ZSWIM3: variants seen among roughly 807,000 people sequenced by gnomAD.
The protein encoded by ZSWIM3 is zinc finger SWIM domain-containing protein 3.
In ZSWIM3, 27 loss-of-function variants were observed where a neutral mutation model predicts 47.5. That is an observed-to-expected ratio of 0.57 (90% CI 0.42 to 0.78). The LOEUF (loss-of-function observed/expected upper bound fraction) is 0.78. Among genes scored for constraint, ZSWIM3 ranks in the 30% least tolerant of loss-of-function variants. The probability of loss-of-function intolerance (pLI) is 0.00; values close to 1 mark genes in which losing one functional copy is unlikely to be tolerated. For synonymous variants in ZSWIM3, 333 were observed against 333.9 expected, an observed-to-expected ratio of 1.00 and a Z score of 0.03; for missense variants, 689 against 861.3, an observed-to-expected ratio of 0.80 and a Z score of 2.50.
At chr20:45,859,957 G>A (rs549952984) in intron 1 of ZSWIM3, among the ~76,000 whole-genome samples, 2 of 152,216 alleles carry the variant, frequency 1.3e-5, no homozygotes, top group South Asian at 4.2e-4. Context: ...TAGGTGCTGC[G>A]GGAACTCAGA....
chr20:45,872,686 G>A, intron 1 of ZSWIM3: 2 of 1,279,142 alleles, frequency 1.6e-6, no homozygotes, highest in Non-Finnish European at 2.0e-6. Context: ...AAAAAACAAG[G>A]TGATGAAAAC....
In ZSWIM3 at chr20:45,877,365, C is replaced by T. The variant is rs534738492; in HGVS notation, c.807C>T (p.Phe269=). 6.2e-7 allele frequency: 1 copy of T among 1,614,176 alleles called. No homozygotes were observed. ...CTGTGGCCAAGATGCTGAGCATCTT[C>T]ACAGAGTTCAACTCCGATTGGCCCA... ...VTSVAKMLSI[F]TEFNSDWPKV... Residue 269 remains phenylalanine, a synonymous_variant, in exon 2 of 2, where the codon TTC becomes TTT. Coordinates refer to ENST00000255152, the MANE Select transcript of ZSWIM3 (RefSeq NM_080752.4).
At chr20:45,872,401 C>T (rs1985995131) in intron 1 of ZSWIM3, among the ~76,000 whole-genome samples, 1 of 152,172 alleles carries the variant, frequency 6.6e-6, no homozygotes, top group Non-Finnish European at 1.5e-5. Flanking sequence ...TGGAATAGCT[C>T]AACAAATGTT....
In ZSWIM3 at chr20:45,857,932, T is replaced by A; in HGVS notation, c.107T>A (p.Val36Asp). The change falls in exon 1 of 2, where the codon GTC becomes GAC. Residue 36 changes from valine (V) to aspartate (D), a missense_variant. Val to Asp is a radical substitution (Grantham distance 152). Transcript: ENST00000255152. ...TTCATTCTCAGGGACTGCGTCTCCG[T>A]CCGCTTCCACAACCTCAACCATGGC... ...CSFILRDCVS[V>D]RFHNLNHGTS... 7.2e-7 allele frequency: 1 copy of A among 1,381,576 alleles called. No homozygotes were observed. Among genetic ancestry groups the A allele is most frequent in the Non-Finnish European group, 9.6e-7 (1 of 1,043,492 alleles). The allele number at this position is 1,381,576 out of a possible 1,614,324, so 85.6% of individuals were successfully genotyped here.
At chr20:45,875,293 C>T (rs912158107) in intron 1 of ZSWIM3, among the ~76,000 whole-genome samples, 8 of 151,972 alleles carry the variant, frequency 5.3e-5, no homozygotes, top group African/African-American at 9.7e-5. Flanking sequence ...TCACCCGCCT[C>T]GGCCTCCCAA....
intron 1 of ZSWIM3, among the ~76,000 whole-genome samples, chr20:45,876,003 A>G (rs1986081943): frequency 6.7e-6 from 1 of 149,012 alleles, no homozygotes; most frequent in South Asian, 2.2e-4. Context: ...TGGCCCTACT[A>G]CGGGTTTTTC....
In ZSWIM3 at chr20:45,877,875, C is replaced by A. The variant is rs1340059817; in HGVS notation, c.1317C>A (p.Pro439=). Residue 439 remains proline, a synonymous_variant, in exon 2 of 2, where the codon CCC becomes CCA. Coordinates refer to ENST00000255152, the MANE Select transcript of ZSWIM3 (RefSeq NM_080752.4). ...KGLKNLPTPP[P]KLKRARPASM... ...TGAAGAACTTGCCCACACCTCCTCC[C>A]AAATTAAAGAGAGCTCGGCCGGCAA... The A allele has an allele frequency of 6.2e-7, 1 of 1,614,158 alleles. No individual in the cohort carries two copies. The highest frequency in any genetic ancestry group is 2.2e-5 in the East Asian group (1 of 44,878).
intron 1 of ZSWIM3, among the ~76,000 whole-genome samples, chr20:45,874,551 G>C (rs977506944): frequency 6.6e-6 from 1 of 152,148 alleles, no homozygotes; most frequent in Non-Finnish European, 1.5e-5. Flanking sequence ...TCTTAAAAAG[G>C]AGGACCAAAC....
rs1001002691 is a variant in ZSWIM3 at position 45,876,610 on chromosome 20, G to T, written c.156-104G>T. The T allele has an allele frequency of 4.3e-6, 6 of 1,411,680 alleles. No homozygotes were observed. In the South Asian group the frequency reaches 8.4e-5, roughly 20 times the overall value. The allele number at this position is 1,411,680 out of a possible 1,614,324, so 87.4% of individuals were successfully genotyped here. On this transcript the variant is annotated intron_variant, in intron 1 of 1. Transcript: ENST00000255152. The stretch of plus-strand genomic sequence containing the variant: ...CACCTCAGCCTCCCAAAGTGCTGGG[G>T]TTATAGGCATGAGCCACTGTACCCA...
intron 1 of ZSWIM3, among the ~76,000 whole-genome samples, chr20:45,876,214 G>C (rs1986088569): frequency 6.6e-6 from 1 of 151,852 alleles, no homozygotes; most frequent in Non-Finnish European, 1.5e-5. Flanking sequence ...GGCTAATTTT[G>C]TATTTTTAGT....
At chr20:45,869,827 G>A (rs1318867088) in intron 1 of ZSWIM3, among the ~76,000 whole-genome samples, 6 of 151,926 alleles carry the variant, frequency 3.9e-5, no homozygotes, top group South Asian at 4.2e-4. Context: ...GGTGGATCAC[G>A]AGGTCAGGAG....
rs1601120897 is a variant in ZSWIM3, at chr20:45,878,621, C to T, written c.2063C>T (p.Pro688Leu). The change falls in exon 2 of 2, where the codon CCT becomes CTT. Residue 688 changes from proline to leucine, a missense_variant. Pro to Leu is a moderately conservative substitution (Grantham distance 98). Coordinates refer to ENST00000255152, the MANE Select transcript of ZSWIM3 (RefSeq NM_080752.4). The part of the protein sequence containing the change: ...WGKQEEGEGF[P>L]PATAVMHY ...AAGCAAGAAGAAGGGGAGGGATTCC[C>T]TCCTGCTACAGCTGTGATGCATTAT... 6.2e-7 allele frequency: 1 copy of T among 1,611,954 alleles called. No individual in the cohort carries two copies. The highest frequency in any genetic ancestry group is 8.5e-7 in the Non-Finnish European group (1 of 1,178,320).
Position 45,877,969 on chromosome 20 carries a change from G to C in ZSWIM3, c.1411G>C (p.Glu471Gln), listed in dbSNP as rs772892473. ...GESLTSLPAE[E>Q]TKPDAQQVQV... ...GAGCCTTACCAGCCTCCCTGCAGAA[G>C]AGACCAAGCCAGACGCACAGCAGGT... The change falls in exon 2 of 2, where the codon GAG (glutamate) becomes CAG (glutamine). Residue 471 changes from glutamate to glutamine, a missense_variant. Transcript: ENST00000255152. 2.5e-6 allele frequency: 4 copies of C among 1,614,056 alleles called. No individual in the cohort carries two copies. The highest frequency in any genetic ancestry group is 3.4e-6 in the Non-Finnish European group (4 of 1,180,054).
Position 45,878,181 on chromosome 20 carries a change from G to A in ZSWIM3, c.1623G>A (p.Gln541=). The A allele has an allele frequency of 6.2e-7, 1 of 1,614,220 alleles. No homozygotes were observed. The highest frequency in any genetic ancestry group is 8.5e-7 in the Non-Finnish European group (1 of 1,180,042). The change falls in exon 2 of 2, where the codon CAG becomes CAA. Residue 541 remains glutamine (Q), a synonymous_variant. Transcript: ENST00000255152. The stretch of plus-strand genomic sequence containing the variant: ...TTCAGCTGCTAGAGGACTCTCACCA[G>A]GTTAGCAAAGATGGCTGTAGCTGCA... ...VDVQLLEDSH[Q]VSKDGCSCSC...
chr20:45,878,262 G>A lies in ZSWIM3; in HGVS notation c.1704G>A (p.Leu568=), dbSNP rs771545352. 9.9e-6 allele frequency: 16 copies of A among 1,614,208 alleles called. No individual in the cohort carries two copies. Among genetic ancestry groups the A allele is most frequent in the South Asian group, 5.5e-5 (5 of 91,086 alleles). ...CATGCCGACACATTTTGGCTCTGCT[G>A]CACACCAGCCAGCAGCCGGTTGGTG... ...HLPCRHILAL[L]HTSQQPVGEA... The change falls in exon 2 of 2, where the codon CTG becomes CTA. Residue 568 remains leucine, a synonymous_variant. Transcript: ENST00000255152.
intron 1 of ZSWIM3, among the ~76,000 whole-genome samples, chr20:45,865,992 C>CAAAAAAAAAAAAA: frequency 1.0e-5 from 1 of 98,806 alleles, no homozygotes; most frequent in East Asian, 2.9e-4. Context: ...GACTCTGTCT[C>CAAAAAAAAAAAAA]AAAAAAAAAA....
rs1986166946 is a variant in ZSWIM3, at chr20:45,878,559, C to CTTTAAG, written c.2002_2007dup (p.Phe668_Lys669dup). 6.2e-7 allele frequency: 1 copy of CTTTAAG among 1,614,192 alleles called. No homozygotes were observed. Among genetic ancestry groups the CTTTAAG allele is most frequent in the Non-Finnish European group, 8.5e-7 (1 of 1,180,036 alleles). On this transcript the variant is annotated inframe_insertion, in exon 2 of 2. Transcript: ENST00000255152. Reference sequence around the variant, plus strand: ...CTGAGCTCTTTCAGCAGCCAGGAGACTTTAAGGACGTGGGCCGCCTCCCTT... The same window carrying CTTTAAG: ...CTGAGCTCTTTCAGCAGCCAGGAGACTTTAAGTTTAAGGACGTGGGCCGCCTCCCTT...
chr20:45,872,668 T>A, intron 1 of ZSWIM3: 1 of 1,257,598 alleles, frequency 8.0e-7, no homozygotes, highest in Non-Finnish European at 1.0e-6. Flanking sequence ...TTTGTCTTTC[T>A]AGGACACAAA....
At chr20:45,872,597 A>G in intron 1 of ZSWIM3, 2 of 775,726 alleles carry the variant, frequency 2.6e-6, no homozygotes, top group South Asian at 3.4e-5. Context: ...CATTCCAGAC[A>G]AAGGGACAAA....
Sources: gnomAD v4.1 joint callset for allele counts (sites outside exome capture counted in the v4.1 genomes callset) on GRCh38, gnomAD v4.1.1 for gene constraint, MANE v1.5 for transcripts, NCBI Gene and HGNC (gene_info 2026-07-23, HGNC 2026-07-21) for gene names.